SLC24A1: variants seen among roughly 807,000 people sequenced by gnomAD.
SLC24A1 encodes sodium/potassium/calcium exchanger 1.
Under a neutral mutation model 88.1 loss-of-function variants are expected in SLC24A1, and 52 were observed. The observed-to-expected ratio is 0.59, with a 90% CI of 0.47 to 0.74. The LOEUF (loss-of-function observed/expected upper bound fraction) is 0.74, where lower values mean the gene tolerates loss of function less well. Among genes scored for constraint, SLC24A1 ranks in the 30% least tolerant of loss-of-function variants. The pLI, the probability that SLC24A1 is intolerant of heterozygous loss-of-function variation, is 0.00. For synonymous variants in SLC24A1, 455 were observed against 498.0 expected, an observed-to-expected ratio of 0.91 and a Z score of 1.15; for missense variants, 1,173 against 1,363.3, an observed-to-expected ratio of 0.86 and a Z score of 2.20.
rs1359570925 is a variant in SLC24A1 at position 65,623,984 on chromosome 15, T to C, written c.-97T>C. On this transcript the variant is annotated 5_prime_UTR_variant, in exon 2 of 10. The change abolishes an upstream ATG in the 5' untranslated region. Coordinates refer to ENST00000261892, the MANE Select transcript of SLC24A1 (RefSeq NM_004727.3). ...GTGGATACCCCCTGGCTGGGCTTCATGGAGAAATCTTCTCTGATCACCAAC... is the reference window on the plus strand; with the variant it reads ...GTGGATACCCCCTGGCTGGGCTTCACGGAGAAATCTTCTCTGATCACCAAC... The C allele has an allele frequency of 2.6e-6, 3 of 1,153,066 alleles. No homozygotes were observed. The African/African-American group carries it at 4.6e-5, about 18-fold the overall frequency. The allele number at this position is 1,153,066 out of a possible 1,614,324, so 71.4% of individuals were successfully genotyped here.
At chr15:65,632,839 G>C (rs1426150895) in intron 2 of SLC24A1, among the ~76,000 whole-genome samples, 1 of 152,206 alleles carries the variant, frequency 6.6e-6, no homozygotes, top group Non-Finnish European at 1.5e-5. Context: ...ACAAAATTAG[G>C]TGCAAGCCTT....
In SLC24A1 at chr15:65,650,399, C is replaced by T. The variant is rs757297633; in HGVS notation, c.2250C>T (p.Ala750=). Residue 750 remains alanine (A), a synonymous_variant, in exon 7 of 10, where the codon GCC becomes GCT. Coordinates refer to ENST00000261892, the MANE Select transcript of SLC24A1 (RefSeq NM_004727.3). The surrounding 1 kb of genome is among the most constrained non-coding windows in gnomAD (Gnocchi z 4.1). ...GATTGCAGGAAGATGTGGCTGAGGC[C>T]GAGAGCACAGGTGAAATGCCAGGCG... ...NPGGQEDVAE[A]ESTGEMPGEE... 7.1e-6 allele frequency: 11 copies of T among 1,551,070 alleles called. No homozygotes were observed. Among genetic ancestry groups the T allele is most frequent in the South Asian group, 2.4e-5 (2 of 84,040 alleles).
chr15:65,619,419 TC>T (rs2074249608), upstream of SLC24A1, among the ~76,000 whole-genome samples: 1 of 152,084 alleles, frequency 6.6e-6, no homozygotes, highest in Non-Finnish European at 1.5e-5. Flanking sequence ...TTATTCTCTG[TC>T]CAGACATAGC....
chr15:65,635,460 A>AG (rs898209491), intron 2 of SLC24A1, among the ~76,000 whole-genome samples: 1 of 148,490 alleles, frequency 6.7e-6, no homozygotes, highest in African/African-American at 2.5e-5. Flanking sequence ...AAAAAAAAAA[A>AG]AAAAAAAAAA....
At chr15:65,644,298 C>G in intron 4 of SLC24A1, 129 bp from the exon 5 acceptor site, 1 of 714,542 alleles carries the variant, frequency 1.4e-6, no homozygotes, top group South Asian at 1.5e-5. Flanking sequence ...ATGTCACAAC[C>G]CCCATGGCAG....
intron 2 of SLC24A1, among the ~76,000 whole-genome samples, chr15:65,631,543 A>G (rs969832486): frequency 6.6e-6 from 1 of 152,184 alleles, no homozygotes; most frequent in Admixed American, 6.5e-5. Flanking sequence ...ACCACCCCAT[A>G]GCCAGTGACA....
intron 6 of SLC24A1, among the ~76,000 whole-genome samples, chr15:65,649,799 C>T (rs1048071723): frequency 6.6e-6 from 1 of 152,154 alleles, no homozygotes; most frequent in Non-Finnish European, 1.5e-5. Flanking sequence ...TGCATTGTGA[C>T]CACCAAAGGA....
Position 65,650,843 on chromosome 15 carries a change from C to T in SLC24A1, c.2694C>T (p.Ser898=), listed in dbSNP as rs1247984584. ...AGAAGGGAAATGAAGAGCCTCTGTC[C>T]CTGGACTGGCCTGAAACCAGGCAGA... ...EEEKGNEEPL[S]LDWPETRQKQ... The change falls in exon 7 of 10, where the codon TCC becomes TCT. Residue 898 remains serine, a synonymous_variant. Coordinates refer to ENST00000261892, the MANE Select transcript of SLC24A1 (RefSeq NM_004727.3). The surrounding 1 kb of genome is among the most constrained non-coding windows in gnomAD (Gnocchi z 4.1). The T allele has an allele frequency of 1.2e-6, 2 of 1,613,642 alleles. No individual in the cohort carries two copies. The highest frequency in any genetic ancestry group is 1.7e-6 in the Non-Finnish European group (2 of 1,179,796).
At chr15:65,639,179 G>T (rs568266673) in intron 3 of SLC24A1, among the ~76,000 whole-genome samples, 1 of 152,176 alleles carries the variant, frequency 6.6e-6, no homozygotes, top group Non-Finnish European at 1.5e-5. Context: ...GTCTCTGGGA[G>T]TGGGGCAATG....
chr15:65,634,960 G>A (rs990788812), intron 2 of SLC24A1, among the ~76,000 whole-genome samples: 5 of 152,168 alleles, frequency 3.3e-5, no homozygotes, highest in South Asian at 2.1e-4. Flanking sequence ...AGAGTTGGTC[G>A]TATCAAATAA....
Position 65,625,817 on chromosome 15 carries a change from C to T in SLC24A1, c.1737C>T (p.Ser579=), listed in dbSNP as rs1039117758. The T allele has an allele frequency of 5.6e-6, 9 of 1,613,916 alleles. No individual in the cohort carries two copies. Among genetic ancestry groups the T allele is most frequent in the Non-Finnish European group, 5.9e-6 (7 of 1,179,886 alleles). ...LIMLILFFLD[S]LIAWWESLLL... ...TGCTCATCCTCTTCTTCCTGGACAG[C>T]CTCATTGCCTGGTGGGAGAGCCTGC... The change falls in exon 2 of 10, where the codon AGC becomes AGT. Residue 579 remains serine, a synonymous_variant. Coordinates refer to ENST00000261892, the MANE Select transcript of SLC24A1 (RefSeq NM_004727.3).
intron 2 of SLC24A1, among the ~76,000 whole-genome samples, chr15:65,628,805 A>T (rs1376000947): frequency 6.6e-6 from 1 of 152,232 alleles, no homozygotes; most frequent in East Asian, 1.9e-4. Context: ...AAATAAAAAG[A>T]TTGTATCCAG....
At chr15:65,620,352 A>C (rs1190437673), upstream of SLC24A1, among the ~76,000 whole-genome samples, 2 of 152,176 alleles carry the variant, frequency 1.3e-5, no homozygotes, top group African/African-American at 2.4e-5. Flanking sequence ...GATACCTAAA[A>C]GCAGAAAAAC....
chr15:65,632,119 C>T (rs1223625922), intron 2 of SLC24A1, among the ~76,000 whole-genome samples: 1 of 152,144 alleles, frequency 6.6e-6, no homozygotes, highest in East Asian at 1.9e-4. Context: ...TGTAAGCCAT[C>T]GTGCCCAGCC....
chr15:65,627,408 T>G (rs990110789), intron 2 of SLC24A1, among the ~76,000 whole-genome samples: 2 of 152,304 alleles, frequency 1.3e-5, no homozygotes, highest in Admixed American at 1.3e-4. Flanking sequence ...TATTGTGTCA[T>G]TTGCAGATGA....
chr15:65,642,791 C>T (rs1036537688), intron 4 of SLC24A1: 17 of 348,126 alleles, frequency 4.9e-5, no homozygotes, highest in Middle Eastern at 1.0e-3. Flanking sequence ...GTTTAGGAGA[C>T]AGGTAGAGAG....
At chr15:65,637,402 T>G (rs2074976671) in intron 2 of SLC24A1, among the ~76,000 whole-genome samples, 1 of 152,052 alleles carries the variant, frequency 6.6e-6, no homozygotes, top group Non-Finnish European at 1.5e-5. Flanking sequence ...TGGGAAAGCT[T>G]CATACAAGAA....
chr15:65,614,973 C>T (rs1044223105), intron 2 of SLC24A1, among the ~76,000 whole-genome samples: 2 of 152,196 alleles, frequency 1.3e-5, no homozygotes, highest in Non-Finnish European at 2.9e-5. Flanking sequence ...CTCAGCTCTT[C>T]GGGAGGCGGA....
At chr15:65,657,294 G>A (rs2075712873), downstream of SLC24A1, among the ~76,000 whole-genome samples, 1 of 152,196 alleles carries the variant, frequency 6.6e-6, no homozygotes, top group Non-Finnish European at 1.5e-5. Context: ...TAAAGATTGA[G>A]TACCAAAGGG....
Sources: gnomAD v4.1 joint callset for allele counts (sites outside exome capture counted in the v4.1 genomes callset) on GRCh38, gnomAD v4.1.1 for gene constraint, Gnocchi (gnomAD v3.1) non-coding constraint, MANE v1.5 for transcripts, NCBI Gene and HGNC (gene_info 2026-07-23, HGNC 2026-07-21) for gene names.